Variants in STOX2 observed in about 807,000 individuals in gnomAD.
STOX2 encodes storkhead box 2.
A neutral mutation model predicts 60.9 loss-of-function variants in STOX2; 28 were observed. That is an observed-to-expected ratio of 0.46 (90% CI 0.34 to 0.63). STOX2 has a LOEUF of 0.63. STOX2 is among the 30% of genes least tolerant of loss of function. The pLI is 0.01. For synonymous variants in STOX2, 472 were observed against 463.9 expected (o/e 1.02, Z -0.22); for missense variants, 1,024 against 1,187.7 (o/e 0.86, Z 2.03).
intron 1 of STOX2, among the ~76,000 whole-genome samples, chr4:183,957,393 C>G (rs536522134): frequency 1.2e-4 from 19 of 152,218 alleles, no homozygotes; most frequent in Non-Finnish European, 2.1e-4. Context: ...ATCAGTAATT[C>G]TTGCTTTAAT....
chr4:184,011,689 T>C lies in STOX2; in HGVS notation c.2585+266T>C. 1.5e-6 allele frequency: 2 copies of C among 1,313,550 alleles called. No individual in the cohort carries two copies. Among genetic ancestry groups the C allele is most frequent in the Middle Eastern group, 2.0e-4 (1 of 5,126 alleles). The allele number at this position is 1,313,550 out of a possible 1,614,324, so 81.4% of individuals were successfully genotyped here. ...ATCAGTCTGATCTAACTAAAACCAA[T>C]ATTTCCAGTATTTTTTCTGCTACGT... On this transcript the variant is annotated intron_variant, in intron 3 of 3. Coordinates refer to ENST00000308497, the MANE Select transcript of STOX2 (RefSeq NM_020225.3). This position sits in a 1 kb window ranked among gnomAD's most constrained non-coding sequence, Gnocchi z 4.4.
intron 3 of STOX2, among the ~76,000 whole-genome samples, chr4:184,016,824 AAGG>A (rs1325806138): frequency 2.6e-5 from 4 of 152,176 alleles, no homozygotes; most frequent in Admixed American, 1.3e-4. Context: ...GTGTGAAAAA[AAGG>A]AGAAGACATT....
At chr4:183,805,224 A>G (rs971481669) in intron 1 of STOX2, among the ~76,000 whole-genome samples, 3 of 152,214 alleles carry the variant, frequency 2.0e-5, no homozygotes, top group Admixed American at 2.0e-4. Context: ...GGGCTTTAAC[A>G]TTAGTTACTT....
intron 1 of STOX2, among the ~76,000 whole-genome samples, chr4:183,967,205 A>T (rs564069487): frequency 9.9e-5 from 15 of 152,230 alleles, no homozygotes; most frequent in Admixed American, 5.9e-4. Flanking sequence ...TCTACTAAAA[A>T]TACAAAATTA....
chr4:183,849,722 G>A lies in STOX2; in HGVS notation c.364+51667G>A, dbSNP rs140928377. 9.3e-3 allele frequency among the ~76,000 whole-genome samples: 1,410 copies of A among 152,234 alleles called. 23 individuals are homozygous for A. The highest frequency in any genetic ancestry group is 0.056 in the South Asian group (268 of 4,814). Reference sequence around the variant, plus strand: ...TAAAGACTGGAGCCATCCACACATCGGGATCAGGATGGAGTGAGATTGCGA... The same window carrying A: ...TAAAGACTGGAGCCATCCACACATCAGGATCAGGATGGAGTGAGATTGCGA... On this transcript the variant is annotated intron_variant, in intron 1 of 2. Coordinates refer to the STOX2 transcript ENST00000513034.
chr4:183,935,211 G>A (rs544887329), intron 1 of STOX2, among the ~76,000 whole-genome samples: 10 of 152,346 alleles, frequency 6.6e-5, no homozygotes, highest in African/African-American at 1.7e-4. Context: ...GCTCAGGAGC[G>A]TGCATTCTGG....
chr4:183,953,204 T>C (rs1743144312), intron 1 of STOX2, among the ~76,000 whole-genome samples: 1 of 151,914 alleles, frequency 6.6e-6, no homozygotes, highest in African/African-American at 2.4e-5. Flanking sequence ...AAAAAAAGTG[T>C]GGTGTTTCCC....
In STOX2 at chr4:184,010,261, C is replaced by A. The variant is rs774282897; in HGVS notation, c.1423C>A (p.Gln475Lys). 6.4e-7 allele frequency: 1 copy of A among 1,572,492 alleles called. No homozygotes were observed. Among genetic ancestry groups the A allele is most frequent in the Non-Finnish European group, 8.6e-7 (1 of 1,158,968 alleles). Residue 475 changes from glutamine to lysine, a missense_variant, in exon 3 of 4, where the codon CAG (glutamine) becomes AAG (lysine). Gln to Lys is a moderately conservative substitution (Grantham distance 53). Transcript: ENST00000308497. The surrounding 1 kb of genome is among the most constrained non-coding windows in gnomAD (Gnocchi z 4.5). ...AGTGCACCGAAGCCACAGCCATACACAGGACCGGAGGTCCAGGAATGAGAG... is the reference window on the plus strand; with the variant it reads ...AGTGCACCGAAGCCACAGCCATACAAAGGACCGGAGGTCCAGGAATGAGAG... ...SKVHRSHSHT[Q>K]DRRSRNERSN...
chr4:183,984,622 G>C (rs990325458), intron 1 of STOX2, among the ~76,000 whole-genome samples: 4 of 152,006 alleles, frequency 2.6e-5, no homozygotes, highest in African/African-American at 9.7e-5. Context: ...TTTTCAAGTG[G>C]AGCAGCTCTA....
At chr4:183,887,971 C>G (rs1004645529) in intron 1 of STOX2, among the ~76,000 whole-genome samples, 1 of 152,118 alleles carries the variant, frequency 6.6e-6, no homozygotes, top group African/African-American at 2.4e-5. Flanking sequence ...CTAGGTTGGT[C>G]TCGAGCTCTT....
chr4:183,930,144 G>A (rs1461184904), intron 1 of STOX2, among the ~76,000 whole-genome samples: 3 of 149,350 alleles, frequency 2.0e-5, no homozygotes, highest in African/African-American at 7.4e-5. Flanking sequence ...GATTACAGGC[G>A]TGAGCCACTG....
Position 184,009,691 on chromosome 4 carries a change from A to G in STOX2, c.853A>G (p.Asn285Asp), listed in dbSNP as rs1734052629. The G allele has an allele frequency of 6.2e-7, 1 of 1,613,892 alleles. No individual in the cohort carries two copies. The highest frequency in any genetic ancestry group is 8.5e-7 in the Non-Finnish European group (1 of 1,179,904). Reference protein sequence around the residue: ...FKKDKTKQLANFSAQFPPEEW... With the variant: ...FKKDKTKQLADFSAQFPPEEW... ...AAAAGACAAGACCAAACAGCTGGCCAATTTTTCTGCCCAGTTTCCTCCTGA... is the reference window on the plus strand; with the variant it reads ...AAAAGACAAGACCAAACAGCTGGCCGATTTTTCTGCCCAGTTTCCTCCTGA... Residue 285 changes from asparagine (N) to aspartate (D), a missense_variant, in exon 3 of 4, where the codon AAT becomes GAT. Physicochemically the swap from Asn to Asp is conservative, Grantham distance 23 (BLOSUM62 1). Coordinates refer to ENST00000308497, the MANE Select transcript of STOX2 (RefSeq NM_020225.3). This position sits in a 1 kb window ranked among gnomAD's most constrained non-coding sequence, Gnocchi z 4.0.
intron 1 of STOX2, among the ~76,000 whole-genome samples, chr4:183,894,209 G>A (rs954578560): frequency 2.2e-4 from 34 of 152,068 alleles, no homozygotes; most frequent in African/African-American, 8.0e-4. Context: ...TAACTGACAT[G>A]GTAACTCTAA....
rs560462572 is a variant in STOX2, at chr4:183,849,023, A to T, written c.364+50968A>T. Among the ~76,000 whole-genome samples the T allele has an allele frequency of 2.0e-5, 3 of 152,270 alleles. No homozygotes were observed. In the South Asian group the frequency reaches 6.2e-4, roughly 32 times the overall value. ...GTGGCAATCTCCAGGCCCTTAGATA[A>T]CTAGTTCACTCTGGGCATGTACACA... On this transcript the variant is annotated intron_variant, in intron 1 of 2. Transcript: ENST00000513034.
intron 1 of STOX2, among the ~76,000 whole-genome samples, chr4:183,927,798 A>C (rs868770328): frequency 6.6e-6 from 1 of 152,130 alleles, no homozygotes; most frequent in Admixed American, 6.5e-5. Flanking sequence ...CTTTACATCT[A>C]TGAGGAGCCA....
intron 1 of STOX2, among the ~76,000 whole-genome samples, chr4:183,898,236 G>A (rs1225538677): frequency 2.0e-5 from 3 of 152,046 alleles, no homozygotes; most frequent in South Asian, 2.1e-4. Flanking sequence ...ACAGTATGGC[G>A]GTGGACTGTG....
intron 1 of STOX2, among the ~76,000 whole-genome samples, chr4:183,880,731 T>C (rs887279318): frequency 3.3e-5 from 5 of 152,216 alleles, no homozygotes; most frequent in African/African-American, 1.2e-4. Flanking sequence ...GCCTTGACAA[T>C]GTCTCTGTTA....
At chr4:184,006,941 A>G (rs9991709) in intron 2 of STOX2, among the ~76,000 whole-genome samples, 49,861 of 136,200 alleles carry the variant, frequency 0.37, 9,179 homozygotes, top group Middle Eastern at 0.44. Flanking sequence ...GCGTGAACCC[A>G]GGAGGCGGAG....
chr4:183,951,001 G>A (rs1212365308), intron 1 of STOX2, among the ~76,000 whole-genome samples: 1 of 152,112 alleles, frequency 6.6e-6, no homozygotes, highest in East Asian at 1.9e-4. Context: ...GGATCACGAG[G>A]TCAGGAGATC....
Sources: gnomAD v4.1 joint callset for allele counts (sites outside exome capture counted in the v4.1 genomes callset) on GRCh38, gnomAD v4.1.1 for gene constraint, Gnocchi (gnomAD v3.1) non-coding constraint, MANE v1.5 for transcripts, NCBI Gene and HGNC (gene_info 2026-07-23, HGNC 2026-07-21) for gene names.